Variants in ARID1B observed in about 807,000 individuals in gnomAD.
ARID1B encodes AT-rich interaction domain 1B, also known as AT-rich interactive domain-containing protein 1B.
Under a neutral mutation model 212.3 loss-of-function variants are expected in ARID1B, and 30 were observed. The ratio of observed to expected loss-of-function variants is 0.14; its 90% CI spans 0.11 to 0.19. The LOEUF is 0.19. Among genes scored for constraint, ARID1B ranks in the 10% least tolerant of loss-of-function variants. ARID1B has a pLI of 1.00. For missense variants in ARID1B, 2,891 were observed against 3,204.0 expected (o/e 0.90, Z 2.36); for synonymous variants, 1,402 against 1,301.7 (o/e 1.08, Z -1.66).
intron 4 of ARID1B, among the ~76,000 whole-genome samples, chr6:156,978,967 T>A (rs1777435890): frequency 6.6e-6 from 1 of 152,200 alleles, no homozygotes; most frequent in East Asian, 1.9e-4. Context: ...ATTTTTTCAG[T>A]TAAGGCTGAT....
intron 6 of ARID1B, among the ~76,000 whole-genome samples, chr6:157,123,180 T>TCTCTGTCTCTG (rs1562636853): frequency 1.1e-4 from 16 of 146,488 alleles, no homozygotes; most frequent in Non-Finnish European, 1.9e-4. Flanking sequence ...TTTGAGATCT[T>TCTCTGTCTCTG]TCTCTGTCTC....
At chr6:156,877,646 T>C (rs912611861) in intron 2 of ARID1B, among the ~76,000 whole-genome samples, 19 of 152,236 alleles carry the variant, frequency 1.2e-4, no homozygotes, top group Admixed American at 5.9e-4. Context: ...ACATTGGAGC[T>C]GCCGGCCTCT....
At chr6:156,999,405 C>A (rs1283512906) in intron 4 of ARID1B, among the ~76,000 whole-genome samples, 1 of 152,190 alleles carries the variant, frequency 6.6e-6, no homozygotes, top group African/African-American at 2.4e-5. Context: ...AATGGCTCTT[C>A]AAAAGGTTAG....
intron 4 of ARID1B, among the ~76,000 whole-genome samples, chr6:157,080,827 AT>A (rs1648533111): frequency 2.0e-5 from 3 of 152,342 alleles, no homozygotes; most frequent in Admixed American, 6.5e-5. Context: ...TGTCATTTAA[AT>A]TAAGTTTTAA....
chr6:156,785,071 C>T (rs1013171222), intron 1 of ARID1B, among the ~76,000 whole-genome samples: 1 of 152,114 alleles, frequency 6.6e-6, no homozygotes, highest in Admixed American at 6.5e-5. Context: ...GATTTACTTA[C>T]TTAAATAGGA....
intron 4 of ARID1B, among the ~76,000 whole-genome samples, chr6:157,073,386 G>A (rs1463044801): frequency 2.0e-5 from 3 of 151,954 alleles, no homozygotes; most frequent in Admixed American, 2.0e-4. Flanking sequence ...TTACAGATGT[G>A]AGCCACCGCG....
In ARID1B at chr6:157,207,912, T is replaced by C. The variant is rs1794590165; in HGVS notation, c.*21T>C. ...TATGACATAAGTGAGAAGGCAAGCA[T>C]GTGTGAGTGAAGATTAGAGGGTCAC... On this transcript the variant is annotated 3_prime_UTR_variant, in exon 20 of 20. Coordinates refer to ENST00000636930, the MANE Select transcript of ARID1B (RefSeq NM_001374828.1). The surrounding 1 kb of genome is among the most constrained non-coding windows in gnomAD (Gnocchi z 8.5). 2.7e-6 allele frequency: 4 copies of C among 1,468,324 alleles called. No individual in the cohort carries two copies. The highest frequency in any genetic ancestry group is 4.6e-5 in the East Asian group (2 of 43,478). The allele number at this position is 1,468,324 out of a possible 1,614,324, so 91.0% of individuals were successfully genotyped here. A position where few individuals can be genotyped will look rare whatever the true frequency, so the allele number is the denominator to read the frequency against.
Position 157,043,771 on chromosome 6 carries a change from AC to A in ARID1B, c.2248-40889del, listed in dbSNP as rs1412022725. On this transcript the variant is annotated intron_variant, in intron 4 of 19. Transcript: ENST00000636930. ...TTCCTATTTAAGCTCTGTAATGCCC[AC>A]CTTAAGGAAGATATATTCATTGTTA... Among the ~76,000 whole-genome samples the A allele has an allele frequency of 2.6e-5, 4 of 152,292 alleles. No individual in the cohort carries two copies. In the South Asian group the frequency reaches 8.3e-4, roughly 32 times the overall value.
At chr6:156,992,050 A>G (rs532862880) in intron 4 of ARID1B, among the ~76,000 whole-genome samples, 8 of 152,290 alleles carry the variant, frequency 5.3e-5, no homozygotes, top group African/African-American at 1.9e-4. Flanking sequence ...CATAGGCATT[A>G]TTTTACAGTT....
rs760895717 is a variant in ARID1B, at chr6:157,144,044, C to T, written c.2762-4580C>T. 3.3e-5 allele frequency among the ~76,000 whole-genome samples: 5 copies of T among 152,332 alleles called. No homozygotes were observed. In the East Asian group the frequency reaches 7.7e-4, roughly 23 times the overall value. On this transcript the variant is annotated intron_variant, in intron 7 of 19. Coordinates refer to ENST00000636930, the MANE Select transcript of ARID1B (RefSeq NM_001374828.1). ...GTTGCAGATGCTTCCTGCCAGGAGA[C>T]GAAGACCAGCTGCCGAACTGGGCAA...
chr6:156,904,680 A>G (rs1421657166), intron 3 of ARID1B, among the ~76,000 whole-genome samples: 1 of 152,234 alleles, frequency 6.6e-6, no homozygotes, highest in Non-Finnish European at 1.5e-5. Flanking sequence ...CCTAAATCCC[A>G]ATGTCTGAAA....
At chr6:157,071,244 A>C (rs896705887) in intron 4 of ARID1B, 1 of 152,234 alleles carries the variant, frequency 6.6e-6, no homozygotes, top group African/African-American at 2.4e-5. Flanking sequence ...TGCACTCCAC[A>C]CAAGGGCACA....
rs587779747 is a variant in ARID1B, at chr6:156,778,847, GGGCGGC to G, written c.1188_1193del (p.Gly401_Gly402del). 929 of 1,403,350 alleles carry G rather than the reference GGGCGGC, an allele frequency of 6.6e-4. 3 individuals carry two copies. The African/African-American group carries it at 8.9e-3, about 13-fold the overall frequency. 86.9% of individuals were successfully genotyped at this position (1,403,350 alleles called of 1,614,324 possible). A position where few individuals can be genotyped will look rare whatever the true frequency, so the allele number is the denominator to read the frequency against. The stretch of plus-strand genomic sequence containing the variant: ...ATCCGGGCTACAGCCGGCCCGGCGC[GGGCGGC>G]GGCGGCGGCGGCGGCGGCGGAGGAG... On this transcript the variant is annotated inframe_deletion, in exon 1 of 20. Coordinates refer to ENST00000636930, the MANE Select transcript of ARID1B (RefSeq NM_001374828.1).
chr6:156,858,750 C>T (rs1785118920), intron 2 of ARID1B, among the ~76,000 whole-genome samples: 1 of 152,162 alleles, frequency 6.6e-6, no homozygotes, highest in South Asian at 2.1e-4. Context: ...GCCTGGGTAA[C>T]ACAGTAAGAC....
intron 7 of ARID1B, among the ~76,000 whole-genome samples, chr6:157,134,811 G>A (rs965142868): frequency 3.3e-5 from 5 of 152,160 alleles, no homozygotes; most frequent in African/African-American, 1.2e-4. Context: ...GAAAATGCGG[G>A]CTTTTGCTCC....
chr6:156,901,026 C>G (rs2128210107), intron 2 of ARID1B, among the ~76,000 whole-genome samples: 1 of 152,274 alleles, frequency 6.6e-6, no homozygotes. Context: ...CACTTTTTCA[C>G]TGTTGTGTGG....
intron 1 of ARID1B, among the ~76,000 whole-genome samples, chr6:156,782,249 A>C (rs565275196): frequency 2.0e-5 from 3 of 152,056 alleles, no homozygotes; most frequent in South Asian, 2.1e-4. Flanking sequence ...AAATGATGAA[A>C]TATTTTGGCT....
At chr6:157,004,701 C>T (rs1779103712) in intron 4 of ARID1B, among the ~76,000 whole-genome samples, 1 of 152,056 alleles carries the variant, frequency 6.6e-6, no homozygotes, top group South Asian at 2.1e-4. Context: ...ACTTGCGCTT[C>T]CCTTGAGGCT....
chr6:157,207,157 G>T lies in ARID1B; in HGVS notation c.6385G>T (p.Ala2129Ser). ...EKEEDEDKGV[A>S]CSKDEWWWDC... ...AGAGGAGGATGAGGACAAGGGGGTG[G>T]CCTGCAGCAAAGATGAGTGGTGGTG... Residue 2129 changes from alanine (A) to serine (S), a missense_variant, in exon 20 of 20, where the codon GCC becomes TCC. Coordinates refer to ENST00000636930, the MANE Select transcript of ARID1B (RefSeq NM_001374828.1). The surrounding 1 kb of genome is among the most constrained non-coding windows in gnomAD (Gnocchi z 8.5). The T allele has an allele frequency of 1.2e-6, 2 of 1,614,228 alleles. No homozygotes were observed. Among genetic ancestry groups the T allele is most frequent in the Non-Finnish European group, 1.7e-6 (2 of 1,180,042 alleles).
Sources: gnomAD v4.1 joint callset for allele counts (sites outside exome capture counted in the v4.1 genomes callset) on GRCh38, gnomAD v4.1.1 for gene constraint, Gnocchi (gnomAD v3.1) non-coding constraint, MANE v1.5 for transcripts, NCBI Gene and HGNC (gene_info 2026-07-23, HGNC 2026-07-21) for gene names.